KCND3: variants seen among roughly 807,000 people sequenced by gnomAD.
The protein encoded by KCND3 is potassium voltage-gated channel subfamily D member 3.
A neutral mutation model predicts 51.1 loss-of-function variants in KCND3; 9 were observed. The ratio of observed to expected loss-of-function variants is 0.18; its 90% CI spans 0.11 to 0.31. The LOEUF is 0.31. Ranked by LOEUF, KCND3 falls within the 10% of genes least tolerant of loss-of-function variation. The pLI is 1.00. For missense variants in KCND3, 526 were observed against 903.8 expected (o/e 0.58, Z 5.36); for synonymous variants, 349 against 368.0 (o/e 0.95, Z 0.59).
At chr1:111,951,845 G>A (rs757579839) in intron 2 of KCND3, among the ~76,000 whole-genome samples, 48 of 152,198 alleles carry the variant, frequency 3.2e-4, no homozygotes, top group Non-Finnish European at 5.4e-4. Context: ...AGTTCCAAAG[G>A]AACATCCAAG....
At chr1:111,968,816 A>T (rs1674162743) in intron 2 of KCND3, among the ~76,000 whole-genome samples, 1 of 152,092 alleles carries the variant, frequency 6.6e-6, no homozygotes, top group Non-Finnish European at 1.5e-5. Flanking sequence ...GTGGACTAGG[A>T]GGGGATCGGC....
At chr1:111,798,947 CAG>C (rs1665173622) in intron 2 of KCND3, among the ~76,000 whole-genome samples, 1 of 152,032 alleles carries the variant, frequency 6.6e-6, no homozygotes, top group Admixed American at 6.6e-5. Flanking sequence ...GAGGAGTCAG[CAG>C]TAAGCAGAGG....
At chr1:111,827,940 C>G (rs576782543) in intron 2 of KCND3, among the ~76,000 whole-genome samples, 4 of 152,264 alleles carry the variant, frequency 2.6e-5, no homozygotes, top group Admixed American at 6.5e-5. Flanking sequence ...AAGAGTGAGG[C>G]CCCTGGTCTC....
At chr1:111,910,517 A>G (rs892552611) in intron 2 of KCND3, among the ~76,000 whole-genome samples, 8 of 152,192 alleles carry the variant, frequency 5.3e-5, no homozygotes, top group African/African-American at 1.9e-4. Context: ...CAGGAATCCA[A>G]TTACCCACAG....
chr1:111,957,215 A>G (rs1673384501), intron 2 of KCND3, among the ~76,000 whole-genome samples: 1 of 152,200 alleles, frequency 6.6e-6, no homozygotes, highest in African/African-American at 2.4e-5. Context: ...TTCTTTCTCC[A>G]GGAGTGCTTC....
At chr1:111,930,641 A>G (rs1283980960) in intron 2 of KCND3, among the ~76,000 whole-genome samples, 7 of 149,630 alleles carry the variant, frequency 4.7e-5, no homozygotes, top group African/African-American at 1.7e-4. Flanking sequence ...TCCATAAAGC[A>G]CCACTGGCTG....
At chr1:111,977,773 T>A (rs1674720044) in intron 2 of KCND3, among the ~76,000 whole-genome samples, 1 of 152,178 alleles carries the variant, frequency 6.6e-6, no homozygotes, top group East Asian at 1.9e-4. Flanking sequence ...CCAAACAAAG[T>A]CAAATGAAGT....
chr1:111,950,322 G>A (rs1399276931), intron 2 of KCND3, among the ~76,000 whole-genome samples: 1 of 152,140 alleles, frequency 6.6e-6, no homozygotes, highest in African/African-American at 2.4e-5. Flanking sequence ...AGTTAATTTT[G>A]TGACCTACTA....
chr1:111,898,045 G>T (rs557295611), intron 2 of KCND3, among the ~76,000 whole-genome samples: 3 of 152,270 alleles, frequency 2.0e-5, no homozygotes, highest in African/African-American at 7.2e-5. Context: ...AAACTGGACT[G>T]CTTAGGTTTG....
chr1:111,976,378 C>T (rs1674626235), intron 2 of KCND3, among the ~76,000 whole-genome samples: 1 of 152,232 alleles, frequency 6.6e-6, no homozygotes. Context: ...TATCTCCACT[C>T]TGTCCACAAA....
At chr1:111,841,437 G>A (rs893952712) in intron 2 of KCND3, among the ~76,000 whole-genome samples, 3 of 67,826 alleles carry the variant, frequency 4.4e-5, no homozygotes, top group South Asian at 5.8e-4. Context: ...ATCAGAAAAC[G>A]AATTGTTCCT....
At chr1:111,904,524 T>C (rs567033637) in intron 2 of KCND3, among the ~76,000 whole-genome samples, 1 of 152,306 alleles carries the variant, frequency 6.6e-6, no homozygotes, top group African/African-American at 2.4e-5. Context: ...GTGTGCCTAA[T>C]TGAGGAATGT....
At chr1:111,804,451 A>G (rs1235780207) in intron 2 of KCND3, among the ~76,000 whole-genome samples, 1 of 152,160 alleles carries the variant, frequency 6.6e-6, no homozygotes, top group Non-Finnish European at 1.5e-5. Flanking sequence ...TCTGCCCTTC[A>G]ATTAACCTTC....
At chr1:111,958,916 A>G (rs1011900024) in intron 2 of KCND3, among the ~76,000 whole-genome samples, 3 of 152,220 alleles carry the variant, frequency 2.0e-5, no homozygotes, top group Non-Finnish European at 4.4e-5. Context: ...CGGAGGCCAT[A>G]TGCCATGTTC....
At chr1:111,954,457 CT>C (rs1466204328) in intron 2 of KCND3, among the ~76,000 whole-genome samples, 1 of 152,192 alleles carries the variant, frequency 6.6e-6, no homozygotes, top group South Asian at 2.1e-4. Context: ...TAAAAGTGAC[CT>C]GAAAAGTCAT....
intron 2 of KCND3, among the ~76,000 whole-genome samples, chr1:111,879,741 T>C (rs1004797930): frequency 2.0e-4 from 30 of 152,348 alleles, no homozygotes; most frequent in Non-Finnish European, 2.6e-4. Flanking sequence ...GTGTCTCACT[T>C]ATCTATTCCA....
At chr1:111,880,423 G>A (rs962740235) in intron 2 of KCND3, among the ~76,000 whole-genome samples, 1 of 152,154 alleles carries the variant, frequency 6.6e-6, no homozygotes, top group African/African-American at 2.4e-5. Context: ...GAATCTACCC[G>A]CAGCACCTTT....
chr1:111,773,415 T>A lies in KCND3; in HGVS notation c.*2662A>T, dbSNP rs1199003503. On this transcript the variant is annotated 3_prime_UTR_variant, in exon 8 of 8. Coordinates refer to ENST00000302127, the MANE Select transcript of KCND3 (RefSeq NM_001378969.1). ...CCAGTTCTAATTTACCTCCTTTTTT[T>A]TTTTCTTTTCTTTTTTTTTTTTTTG... 7.9e-6 allele frequency: 1 copy of A among 125,940 alleles called. No individual in the cohort carries two copies. Among genetic ancestry groups the A allele is most frequent in the Non-Finnish European group, 1.6e-5 (1 of 64,380 alleles). The allele number at this position is 125,940 out of a possible 1,614,324, so 7.8% of individuals were successfully genotyped here. A position where few individuals can be genotyped will look rare whatever the true frequency, so the allele number is the denominator to read the frequency against.
intron 2 of KCND3, among the ~76,000 whole-genome samples, chr1:111,789,268 G>C (rs1032545214): frequency 7.2e-5 from 11 of 152,244 alleles, no homozygotes; most frequent in African/African-American, 2.4e-4. Context: ...TGGTCTGCTA[G>C]TGACAGATGA....
Sources: allele counts gnomAD v4.1 joint callset (sites outside exome capture counted in the v4.1 genomes callset), GRCh38; gene constraint gnomAD v4.1.1; transcripts MANE v1.5; gene names NCBI Gene and HGNC (gene_info 2026-07-23, HGNC 2026-07-21).